P2RX7: variants seen among roughly 807,000 people sequenced by gnomAD.
P2RX7 encodes the protein purinergic receptor P2X 7.
Under a neutral mutation model 71.6 loss-of-function variants are expected in P2RX7, and 62 were observed. That is an observed-to-expected ratio of 0.87 (90% CI 0.71 to 1.07). P2RX7 has a LOEUF of 1.07. P2RX7 is among the 50% of genes least tolerant of loss of function. The probability of loss-of-function intolerance (pLI) is 0.00; values close to 1 mark genes in which losing one functional copy is unlikely to be tolerated. For missense variants in P2RX7, 686 were observed against 748.5 expected, an observed-to-expected ratio of 0.92 and a Z score of 0.97; for synonymous variants, 299 against 283.3, an observed-to-expected ratio of 1.06 and a Z score of -0.56.
At chr12:121,139,082 T>C (rs752800539) in intron 1 of P2RX7, among the ~76,000 whole-genome samples, 23 of 152,104 alleles carry the variant, frequency 1.5e-4, no homozygotes, top group Admixed American at 7.2e-4. Context: ...GCTGGGACTA[T>C]TGGTGCATGC....
At chr12:121,167,197 C>T (rs1021786792) in intron 7 of P2RX7, among the ~76,000 whole-genome samples, 3 of 150,994 alleles carry the variant, frequency 2.0e-5, no homozygotes, top group Admixed American at 6.6e-5. Flanking sequence ...TTAATGGGGG[C>T]GTGGGGGGCA....
intron 11 of P2RX7, among the ~76,000 whole-genome samples, chr12:121,179,394 A>G (rs1245033848): frequency 6.6e-6 from 1 of 151,410 alleles, no homozygotes; most frequent in Non-Finnish European, 1.5e-5. Context: ...CAGCTTCTCT[A>G]GAGGCTGAGG....
chr12:121,151,900 C>G (rs1877489746), intron 1 of P2RX7, among the ~76,000 whole-genome samples: 1 of 152,158 alleles, frequency 6.6e-6, no homozygotes, highest in South Asian at 2.1e-4. Context: ...TGACTGGTCT[C>G]TTTGACTTAG....
intron 12 of P2RX7, among the ~76,000 whole-genome samples, chr12:121,182,804 ATAAAT>A (rs1319982934): frequency 6.6e-6 from 1 of 152,234 alleles, no homozygotes; most frequent in Non-Finnish European, 1.5e-5. Context: ...TTCTTCAATA[ATAAAT>A]TAATCTTAGC....
chr12:121,141,272 C>T (rs939373910), intron 1 of P2RX7, among the ~76,000 whole-genome samples: 12 of 152,206 alleles, frequency 7.9e-5, no homozygotes, highest in South Asian at 2.1e-4. Context: ...AAGCTGCCTC[C>T]GCATCTGATT....
chr12:121,150,173 C>G (rs1416672850), intron 1 of P2RX7, among the ~76,000 whole-genome samples: 2 of 152,080 alleles, frequency 1.3e-5, no homozygotes, highest in Non-Finnish European at 2.9e-5. Flanking sequence ...ATCACAGTAT[C>G]CCCCCCGACA....
chr12:121,140,289 G>A (rs1369228979), intron 1 of P2RX7, among the ~76,000 whole-genome samples: 1 of 152,244 alleles, frequency 6.6e-6, no homozygotes, highest in African/African-American at 2.4e-5. Flanking sequence ...GGAGCAGCCG[G>A]AGCTGAGGGC....
At chr12:121,165,462 T>C in intron 6 of P2RX7, 25 bp downstream of exon 6, 1 of 1,555,388 alleles carries the variant, frequency 6.4e-7, no homozygotes, top group South Asian at 1.1e-5. Context: ...TGCCTGGCTG[T>C]CTTAGTTATC....
intron 8 of P2RX7, among the ~76,000 whole-genome samples, chr12:121,174,048 C>CTT (rs141344773): frequency 6.2e-4 from 46 of 73,896 alleles, no homozygotes; most frequent in Non-Finnish European, 7.8e-4. Flanking sequence ...CTTTTCTTTT[C>CTT]TTTTTTTTTT....
intron 1 of P2RX7, among the ~76,000 whole-genome samples, chr12:121,152,811 C>T (rs1877727701): frequency 6.6e-6 from 1 of 152,244 alleles, no homozygotes; most frequent in Non-Finnish European, 1.5e-5. Context: ...AGCCACTGTG[C>T]CTGGCTCAAA....
In P2RX7 at chr12:121,160,962, C is replaced by A. The variant is rs1593071599; in HGVS notation, c.424C>A (p.Pro142Thr). ...DRGCKKGWMDPQSKGIQTGRC... is the reference protein window; with the variant it reads ...DRGCKKGWMDTQSKGIQTGRC... ...AGGTTGTAAAAAGGGATGGATGGAC[C>A]CGCAGAGCAAAGGTACCTTCTGTTT... The change falls in exon 4 of 13, where the codon CCG becomes ACG. Residue 142 changes from proline (P) to threonine (T), a missense_variant. Physicochemically the swap from Pro to Thr is conservative, Grantham distance 38. Transcript: ENST00000328963. 6.2e-7 allele frequency: 1 copy of A among 1,613,450 alleles called. No individual in the cohort carries two copies. The highest frequency in any genetic ancestry group is 1.1e-5 in the South Asian group (1 of 91,068).
intron 5 of P2RX7, among the ~76,000 whole-genome samples, 174 bp from the exon 6 acceptor site, chr12:121,165,183 G>T (rs535586481): frequency 6.6e-6 from 1 of 152,174 alleles, no homozygotes; most frequent in Non-Finnish European, 1.5e-5. Context: ...GGAGGAGCTG[G>T]AGGGGCTTTG....
intron 7 of P2RX7, among the ~76,000 whole-genome samples, chr12:121,167,018 C>T (rs564291402): frequency 8.6e-5 from 13 of 150,396 alleles, no homozygotes; most frequent in Non-Finnish European, 1.8e-4. Context: ...CACCACTGCA[C>T]TCCAGCCTAG....
chr12:121,148,745 C>T (rs1206627808), intron 1 of P2RX7, among the ~76,000 whole-genome samples: 8 of 152,190 alleles, frequency 5.3e-5, no homozygotes, highest in Admixed American at 2.6e-4. Context: ...CTTGGGTCCT[C>T]GCCCCTTGCT....
At chr12:121,181,586 T>C (rs1593157934) in intron 12 of P2RX7, among the ~76,000 whole-genome samples, 1 of 152,202 alleles carries the variant, frequency 6.6e-6, no homozygotes, top group East Asian at 1.9e-4. Context: ...CCAGGCATGG[T>C]GGCTCATGCC....
rs1189269322 is a variant in P2RX7, at chr12:121,177,392, G to A, written c.1134G>A (p.Val378=). ...YPWCKCCQPC[V]VNEYYYRKKC... ...GGTGCAAGTGCTGTCAGCCCTGTGT[G>A]GTCAACGAATACTACTACAGGAAGA... The change falls in exon 11 of 13, where the codon GTG becomes GTA. Residue 378 remains valine (V), a synonymous_variant. Coordinates refer to ENST00000328963, the MANE Select transcript of P2RX7 (RefSeq NM_002562.6). 1.2e-6 allele frequency: 2 copies of A among 1,613,736 alleles called. No individual in the cohort carries two copies. The highest frequency in any genetic ancestry group is 1.7e-6 in the Non-Finnish European group (2 of 1,180,024).
Position 121,154,917 on chromosome 12 carries a change from T to C in P2RX7, c.258T>C (p.Ser86=), listed in dbSNP as rs1299939748. The C allele has an allele frequency of 3.1e-6, 5 of 1,613,790 alleles. No individual in the cohort carries two copies. The South Asian group carries it at 5.5e-5, about 18-fold the overall frequency. ...ATGGAGTGAAGAAGTTGGTGCACAG[T>C]GTCTTTGACACCGCAGACTACACCT... is the stretch of plus-strand genomic sequence containing the variant. The part of the protein sequence containing the change: ...VENGVKKLVH[S]VFDTADYTFP... The change falls in exon 2 of 13, where the codon AGT becomes AGC. Residue 86 remains serine (S), a synonymous_variant. Transcript: ENST00000328963. The surrounding 1 kb of genome is among the most constrained non-coding windows in gnomAD (Gnocchi z 4.2).
At chr12:121,160,343 C>G (rs1879420132) in intron 3 of P2RX7, among the ~76,000 whole-genome samples, 1 of 152,114 alleles carries the variant, frequency 6.6e-6, no homozygotes, top group South Asian at 2.1e-4. Context: ...GACGGGGTTT[C>G]ACCATGTTGA....
rs201385229 is a variant in P2RX7, at chr12:121,177,365, C to T, written c.1107C>T (p.Pro369=). ...SSNCCRSHIY[P]WCKCCQPCVV... is the part of the protein sequence containing the mutation. The stretch of plus-strand genomic sequence containing the variant: ...ACTGCTGTCGCTCCCATATTTATCC[C>T]TGGTGCAAGTGCTGTCAGCCCTGTG... Residue 369 remains proline, a synonymous_variant, in exon 11 of 13, where the codon CCC becomes CCT. Coordinates refer to ENST00000328963, the MANE Select transcript of P2RX7 (RefSeq NM_002562.6). 4.0e-5 allele frequency: 65 copies of T among 1,613,928 alleles called. No individual in the cohort carries two copies. Among genetic ancestry groups the T allele is most frequent in the Non-Finnish European group, 5.3e-5 (62 of 1,180,036 alleles).
Sources: allele counts gnomAD v4.1 joint callset (sites outside exome capture counted in the v4.1 genomes callset), GRCh38; gene constraint gnomAD v4.1.1; non-coding constraint Gnocchi (gnomAD v3.1); transcripts MANE v1.5; gene names NCBI Gene and HGNC (gene_info 2026-07-23, HGNC 2026-07-21).